KCNQ3: variants seen among roughly 807,000 people sequenced by gnomAD.
KCNQ3 encodes the protein potassium voltage-gated channel subfamily Q member 3.
KCNQ3 carries 30 observed loss-of-function variants against 92.5 expected under a neutral mutation model. The observed-to-expected ratio is 0.32, with a 90% CI of 0.24 to 0.44. The LOEUF is 0.44. Among genes scored for constraint, KCNQ3 ranks in the 20% least tolerant of loss-of-function variants. The probability of loss-of-function intolerance (pLI) is 1.00; values close to 1 mark genes in which losing one functional copy is unlikely to be tolerated. For synonymous variants in KCNQ3, 450 were observed against 468.8 expected, an observed-to-expected ratio of 0.96 and a Z score of 0.52; for missense variants, 913 against 1,140.3, an observed-to-expected ratio of 0.80 and a Z score of 2.87.
chr8:132,189,372 G>T (rs879505749), intron 1 of KCNQ3, among the ~76,000 whole-genome samples: 1 of 152,076 alleles, frequency 6.6e-6, no homozygotes, highest in Non-Finnish European at 1.5e-5. Context: ...AATTGTTTGC[G>T]CACATCATGT....
intron 1 of KCNQ3, among the ~76,000 whole-genome samples, chr8:132,460,461 T>C (rs1587042862): frequency 6.6e-6 from 1 of 152,100 alleles, no homozygotes. Context: ...GAAACCTAGC[T>C]CCCACCACTG....
intron 1 of KCNQ3, among the ~76,000 whole-genome samples, chr8:132,353,092 G>C (rs111647853): frequency 3.3e-5 from 5 of 152,164 alleles, no homozygotes; most frequent in Admixed American, 6.5e-5. Flanking sequence ...CAGGCATGGT[G>C]GTGGGCGCCT....
At chr8:132,247,870 A>G (rs1428820550) in intron 1 of KCNQ3, among the ~76,000 whole-genome samples, 1 of 152,134 alleles carries the variant, frequency 6.6e-6, no homozygotes, top group East Asian at 1.9e-4. Flanking sequence ...AGTTAGCAGT[A>G]ACAAACACTT....
At chr8:132,314,288 G>T (rs1203720057) in intron 1 of KCNQ3, among the ~76,000 whole-genome samples, 1 of 152,136 alleles carries the variant, frequency 6.6e-6, no homozygotes, top group African/African-American at 2.4e-5. Flanking sequence ...GCAACCATAT[G>T]ATGAGGGAAT....
At chr8:132,138,656 T>C (rs2469615) in intron 11 of KCNQ3, among the ~76,000 whole-genome samples, 67,993 of 152,094 alleles carry the variant, frequency 0.45, 15,726 homozygotes, top group East Asian at 0.57. Context: ...GGTTCCTCCC[T>C]GAGCCTCATC....
intron 9 of KCNQ3, among the ~76,000 whole-genome samples, chr8:132,149,083 T>C (rs1825552632): frequency 2.0e-5 from 3 of 152,264 alleles, no homozygotes; most frequent in East Asian, 1.9e-4. Context: ...TTGCCGTTCA[T>C]GTAGGTTTTC....
intron 1 of KCNQ3, among the ~76,000 whole-genome samples, chr8:132,303,949 C>T (rs999394196): frequency 6.6e-6 from 1 of 151,606 alleles, no homozygotes; most frequent in Non-Finnish European, 1.5e-5. Context: ...TAAACACACA[C>T]ACCATAAAAT....
intron 1 of KCNQ3, among the ~76,000 whole-genome samples, chr8:132,333,509 G>A (rs1228681790): frequency 6.6e-6 from 1 of 152,020 alleles, no homozygotes; most frequent in African/African-American, 2.4e-5. Context: ...CTGTAATGTG[G>A]AAAACAGAAA....
At chr8:132,385,420 C>A (rs1819864655) in intron 1 of KCNQ3, among the ~76,000 whole-genome samples, 1 of 152,306 alleles carries the variant, frequency 6.6e-6, no homozygotes, top group South Asian at 2.1e-4. Flanking sequence ...CCTCAGAGTT[C>A]ACATGATGGA....
chr8:132,281,633 G>A (rs1816520340), intron 1 of KCNQ3, among the ~76,000 whole-genome samples: 1 of 151,746 alleles, frequency 6.6e-6, no homozygotes, highest in South Asian at 2.1e-4. Flanking sequence ...GTTTCCACAT[G>A]GACAACTATA....
chr8:132,470,396 A>G (rs1822271235), intron 1 of KCNQ3, among the ~76,000 whole-genome samples: 1 of 152,224 alleles, frequency 6.6e-6, no homozygotes, highest in South Asian at 2.1e-4. Context: ...TGGCTTCACC[A>G]ATTGTTAATA....
chr8:132,187,136 G>T (rs1826996501), intron 1 of KCNQ3: 2 of 455,994 alleles, frequency 4.4e-6, no homozygotes, highest in South Asian at 1.5e-5. Context: ...AAGCTTGGTA[G>T]TACATACTCT....
At chr8:132,358,476 T>C (rs1218905005) in intron 1 of KCNQ3, among the ~76,000 whole-genome samples, 1 of 152,162 alleles carries the variant, frequency 6.6e-6, no homozygotes, top group East Asian at 1.9e-4. Context: ...GCTCATTGGG[T>C]AATGTTAGCT....
intron 1 of KCNQ3, among the ~76,000 whole-genome samples, chr8:132,344,615 G>T (rs1397863987): frequency 6.6e-6 from 1 of 152,228 alleles, no homozygotes; most frequent in African/African-American, 2.4e-5. Context: ...ACTCATCACG[G>T]TGGAATCAGA....
At chr8:132,245,153 C>T (rs555680838) in intron 1 of KCNQ3, among the ~76,000 whole-genome samples, 1 of 152,216 alleles carries the variant, frequency 6.6e-6, no homozygotes, top group South Asian at 2.1e-4. Flanking sequence ...GATTACTTTC[C>T]TGTCTGTCCC....
chr8:132,344,736 G>A (rs1264580831), intron 1 of KCNQ3, among the ~76,000 whole-genome samples: 1 of 152,168 alleles, frequency 6.6e-6, no homozygotes, highest in African/African-American at 2.4e-5. Flanking sequence ...AGCTGGTGGG[G>A]ACAGTTGGGT....
chr8:132,380,381 G>A (rs539371035), intron 1 of KCNQ3, among the ~76,000 whole-genome samples: 1 of 152,262 alleles, frequency 6.6e-6, no homozygotes, highest in East Asian at 1.9e-4. Context: ...TTATAGATAT[G>A]GTCACCTGCA....
intron 1 of KCNQ3, among the ~76,000 whole-genome samples, chr8:132,306,343 T>A (rs1277426651): frequency 6.6e-6 from 1 of 152,242 alleles, no homozygotes; most frequent in Admixed American, 6.5e-5. Context: ...AACTAACGTA[T>A]CTTCTTTACT....
intron 1 of KCNQ3, among the ~76,000 whole-genome samples, chr8:132,433,706 A>T (rs1250816256): frequency 2.0e-5 from 3 of 151,456 alleles, no homozygotes; most frequent in Admixed American, 2.0e-4. Context: ...CCTGGCCAAC[A>T]TGGCAAAAAC....
Sources: allele counts gnomAD v4.1 joint callset (sites outside exome capture counted in the v4.1 genomes callset), GRCh38; gene constraint gnomAD v4.1.1; transcripts MANE v1.5; gene names NCBI Gene and HGNC (gene_info 2026-07-23, HGNC 2026-07-21).